Variants in CRACDL observed in about 807,000 individuals in gnomAD.
CRACDL encodes CRACD like, also known as CRACD-like protein.
A neutral mutation model predicts 70.6 loss-of-function variants in CRACDL; 26 were observed. That is an observed-to-expected ratio of 0.37 (90% CI 0.27 to 0.51). The LOEUF (loss-of-function observed/expected upper bound fraction) is 0.51. CRACDL is among the 20% of genes least tolerant of loss of function. The pLI is 0.94. For missense variants in CRACDL, 1,283 were observed against 1,376.9 expected (o/e 0.93, Z 1.08); for synonymous variants, 618 against 615.2 (o/e 1.00, Z -0.07).
intron 7 of CRACDL, among the ~76,000 whole-genome samples, chr2:98,810,832 T>TTA (rs1030225467): frequency 1.3e-5 from 2 of 152,088 alleles, no homozygotes; most frequent in African/African-American, 4.8e-5. Context: ...ACAAGAATGA[T>TTA]TACTGCAGCA....
intron 7 of CRACDL, among the ~76,000 whole-genome samples, chr2:98,803,763 G>A (rs879435342): frequency 5.3e-5 from 8 of 152,184 alleles, no homozygotes; most frequent in Non-Finnish European, 1.2e-4. Flanking sequence ...ATTTCTCACA[G>A]CCAGCTGTGC....
chr2:98,924,288 G>A (rs1293359193), intron 1 of CRACDL, among the ~76,000 whole-genome samples: 3 of 152,146 alleles, frequency 2.0e-5, no homozygotes, highest in African/African-American at 7.2e-5. Context: ...AGCCCACCCT[G>A]TCAGGGGCTT....
At chr2:98,866,533 G>A (rs1050344056) in intron 1 of CRACDL, among the ~76,000 whole-genome samples, 1 of 128,842 alleles carries the variant, frequency 7.8e-6, no homozygotes, top group Admixed American at 1.0e-4. Flanking sequence ...TGATGCCCAG[G>A]CTGGAGTACA....
intron 1 of CRACDL, among the ~76,000 whole-genome samples, chr2:98,859,130 C>T (rs576770627): frequency 1.3e-5 from 2 of 152,292 alleles, no homozygotes; most frequent in East Asian, 3.9e-4. Flanking sequence ...CTTTCCAGCT[C>T]ATTGTGAAGC....
Position 98,794,274 on chromosome 2 carries a change from A to C in CRACDL, c.*258T>G. ...TTATCAAGGGAATTCGAAAAGACAC[A>C]TTCGTACCTTTGGGCACAGGAACTG... On this transcript the variant is annotated 3_prime_UTR_variant, in exon 10 of 10. Transcript: ENST00000397899. 1 of 364,590 alleles carries C rather than the reference A, an allele frequency of 2.7e-6. No homozygotes were observed. Among genetic ancestry groups the C allele is most frequent in the Non-Finnish European group, 4.9e-6 (1 of 202,772 alleles). 22.6% of individuals were successfully genotyped at this position (364,590 alleles called of 1,614,324 possible).
intron 5 of CRACDL, among the ~76,000 whole-genome samples, chr2:98,829,777 C>T (rs190439651): frequency 3.9e-5 from 6 of 152,248 alleles, no homozygotes; most frequent in East Asian, 1.9e-4. Context: ...GGGGCTCAGC[C>T]GCTGAGGAGT....
rs1423776325 is a variant in CRACDL, at chr2:98,846,766, C to T, written c.35G>A (p.Arg12Gln). ...ISTRVMDIKLREAAEGLGEDS... is the reference protein window; with the variant it reads ...ISTRVMDIKLQEAAEGLGEDS... ...CTCCCCAAGGCCTTCTGCAGCCTCC[C>T]GAAGCTTAATGTCCATCACCCTTGT... is the stretch of plus-strand genomic sequence containing the variant. The change falls in exon 2 of 10, where the codon CGG becomes CAG. Residue 12 changes from arginine to glutamine, a missense_variant. Physicochemically the swap from Arg to Gln is conservative, Grantham distance 43. Coordinates refer to ENST00000397899, the MANE Select transcript of CRACDL (RefSeq NM_207362.3). The T allele has an allele frequency of 8.7e-6, 14 of 1,614,206 alleles. No homozygotes were observed. The highest frequency in any genetic ancestry group is 1.1e-5 in the South Asian group (1 of 91,082).
In CRACDL at chr2:98,822,758, G is replaced by C; in HGVS notation, c.1515C>G (p.Ala505=). The change falls in exon 7 of 10, where the codon GCC becomes GCG. Residue 505 remains alanine, a synonymous_variant. Transcript: ENST00000397899. The surrounding 1 kb of genome is among the most constrained non-coding windows in gnomAD (Gnocchi z 4.9). Reference sequence around the variant, plus strand: ...GCGGGGACGCGGCGGGGCCCTCGCTGGCGGCCGCGGGCCGGTGTTTCAGGC... The same window carrying C: ...GCGGGGACGCGGCGGGGCCCTCGCTCGCGGCCGCGGGCCGGTGTTTCAGGC... ...KSCLKHRPAA[A]SEGPAASPPL... 2 of 1,269,486 alleles carry C rather than the reference G, an allele frequency of 1.6e-6. No homozygotes were observed. Among genetic ancestry groups the C allele is most frequent in the Non-Finnish European group, 2.0e-6 (2 of 1,011,880 alleles). 78.6% of individuals were successfully genotyped at this position (1,269,486 alleles called of 1,614,324 possible). A position where few individuals can be genotyped will look rare whatever the true frequency, so the allele number is the denominator to read the frequency against.
At chr2:98,890,623 G>A (rs1707938356) in intron 1 of CRACDL, among the ~76,000 whole-genome samples, 1 of 152,206 alleles carries the variant, frequency 6.6e-6, no homozygotes, top group East Asian at 1.9e-4. Flanking sequence ...GATCAGAAGT[G>A]TTTCAGAGTT....
chr2:98,917,551 T>C (rs1040433753), intron 1 of CRACDL, among the ~76,000 whole-genome samples: 29 of 152,188 alleles, frequency 1.9e-4, no homozygotes, highest in African/African-American at 6.5e-4. Context: ...TAGCAAAAAA[T>C]AGTATCTTAC....
At chr2:98,889,800 C>A (rs1187024250) in intron 1 of CRACDL, among the ~76,000 whole-genome samples, 2 of 152,170 alleles carry the variant, frequency 1.3e-5, no homozygotes, top group African/African-American at 4.8e-5. Context: ...AAATTTAAAT[C>A]ATGCAAGGTA....
At chr2:98,851,624 T>C (rs1706486123) in intron 1 of CRACDL, among the ~76,000 whole-genome samples, 1 of 152,186 alleles carries the variant, frequency 6.6e-6, no homozygotes, top group Non-Finnish European at 1.5e-5. Context: ...AGGGTCTCTG[T>C]ACCCACCAAC....
intron 6 of CRACDL, among the ~76,000 whole-genome samples, chr2:98,826,074 C>G (rs927679031): frequency 6.6e-6 from 1 of 152,086 alleles, no homozygotes; most frequent in African/African-American, 2.4e-5. Flanking sequence ...AGGGGGGACG[C>G]GTTACAGTGC....
At chr2:98,834,273 C>T (rs1297279483) in intron 3 of CRACDL, among the ~76,000 whole-genome samples, 1 of 152,192 alleles carries the variant, frequency 6.6e-6, no homozygotes, top group East Asian at 1.9e-4. Context: ...ATGTGCAAGG[C>T]CATTCACTAC....
intron 1 of CRACDL, chr2:98,869,426 G>A (rs1558614297): frequency 2.3e-6 from 1 of 438,268 alleles, no homozygotes; most frequent in Non-Finnish European, 3.7e-6. Flanking sequence ...GGCCGGGATG[G>A]GGGTGGCCTG....
chr2:98,834,937 A>G (rs973449528), intron 3 of CRACDL, among the ~76,000 whole-genome samples: 5 of 152,194 alleles, frequency 3.3e-5, no homozygotes, highest in Admixed American at 2.6e-4. Flanking sequence ...TAATTAAAAA[A>G]CCAAAAATAT....
intron 1 of CRACDL, among the ~76,000 whole-genome samples, chr2:98,906,830 C>T (rs1192913920): frequency 6.6e-6 from 1 of 152,118 alleles, no homozygotes; most frequent in Non-Finnish European, 1.5e-5. Context: ...AGTTAGTTGA[C>T]TGGCATAGCA....
intron 5 of CRACDL, among the ~76,000 whole-genome samples, chr2:98,828,378 A>G (rs185262690): frequency 1.2e-4 from 19 of 152,334 alleles, no homozygotes; most frequent in Admixed American, 1.2e-3. Context: ...TTAACTTAAG[A>G]ATAGAGTTTT....
At chr2:98,854,395 C>CTAT (rs1559235778) in intron 1 of CRACDL, among the ~76,000 whole-genome samples, 4 of 150,430 alleles carry the variant, frequency 2.7e-5, no homozygotes, top group Non-Finnish European at 4.4e-5. Context: ...ATCATCAGAA[C>CTAT]CTATCTACTT....
Sources: allele counts gnomAD v4.1 joint callset (sites outside exome capture counted in the v4.1 genomes callset), GRCh38; gene constraint gnomAD v4.1.1; non-coding constraint Gnocchi (gnomAD v3.1); transcripts MANE v1.5; gene names NCBI Gene and HGNC (gene_info 2026-07-23, HGNC 2026-07-21).